STK31: variants seen among roughly 807,000 people sequenced by gnomAD.
STK31 encodes the protein serine/threonine kinase 31.
A neutral mutation model predicts 129.7 loss-of-function variants in STK31; 89 were observed. That is an observed-to-expected ratio of 0.69 (90% CI 0.58 to 0.82). STK31 has a LOEUF of 0.82. STK31 is among the 40% of genes least tolerant of loss of function. STK31 has a pLI of 0.00. For missense variants in STK31, 1,187 were observed against 1,176.4 expected, an observed-to-expected ratio of 1.01 and a Z score of -0.13; for synonymous variants, 448 against 395.3, an observed-to-expected ratio of 1.13 and a Z score of -1.58.
At chr7:23,736,827 C>A in intron 7 of STK31, 77 bp from the exon 8 acceptor site, 1 of 1,229,598 alleles carries the variant, frequency 8.1e-7, no homozygotes, top group Non-Finnish European at 1.1e-6. Flanking sequence ...CATAAAAGGA[C>A]CAAGATAACT....
In STK31 at chr7:23,790,921, A is replaced by C; in HGVS notation, c.2735A>C (p.Tyr912Ser). The C allele has an allele frequency of 6.2e-7, 1 of 1,601,388 alleles. No homozygotes were observed. Among genetic ancestry groups the C allele is most frequent in the Non-Finnish European group, 8.5e-7 (1 of 1,175,146 alleles). ...CCTGCTTCTCCAGGTTCAGACTTAT[A>C]TGCTTATGGCTGCCTCTTATTATGG... is the stretch of plus-strand genomic sequence containing the variant. ...GKPASPGSDL[Y>S]AYGCLLLWLS... The change falls in exon 22 of 24, where the codon TAT (tyrosine) becomes TCT (serine). Residue 912 changes from tyrosine to serine, a missense_variant. Tyr to Ser is a moderately radical substitution (Grantham distance 144). Transcript: ENST00000355870.
At chr7:23,758,223 A>T (rs1789225854) in intron 10 of STK31, among the ~76,000 whole-genome samples, 1 of 152,100 alleles carries the variant, frequency 6.6e-6, no homozygotes, top group Admixed American at 6.6e-5. Context: ...CCAAGAGTTT[A>T]TTCATTTCTT....
At chr7:23,748,606 C>T (rs1788496123) in intron 8 of STK31, among the ~76,000 whole-genome samples, 2 of 152,230 alleles carry the variant, frequency 1.3e-5, no homozygotes, top group African/African-American at 4.8e-5. Flanking sequence ...TCCCTGTCCT[C>T]AGCCTGCTCA....
At chr7:23,810,111 A>G (rs1254883455) in intron 22 of STK31, among the ~76,000 whole-genome samples, 3 of 152,010 alleles carry the variant, frequency 2.0e-5, no homozygotes, top group Non-Finnish European at 4.4e-5. Context: ...TAGGATTGTT[A>G]TGTCCTCTTA....
intron 6 of STK31, among the ~76,000 whole-genome samples, chr7:23,731,246 C>G (rs1787417689): frequency 6.6e-6 from 1 of 151,936 alleles, no homozygotes; most frequent in African/African-American, 2.4e-5. Flanking sequence ...AATTGGCACA[C>G]AATGTTTTCT....
At chr7:23,807,146 T>G (rs1224483065) in intron 22 of STK31, among the ~76,000 whole-genome samples, 2 of 152,154 alleles carry the variant, frequency 1.3e-5, no homozygotes, top group African/African-American at 4.8e-5. Context: ...ATTTTTATTC[T>G]TATTCTTTTT....
intron 4 of STK31, among the ~76,000 whole-genome samples, chr7:23,720,831 G>T (rs918394735): frequency 6.6e-6 from 1 of 152,110 alleles, no homozygotes; most frequent in Non-Finnish European, 1.5e-5. Flanking sequence ...CGGAATATAT[G>T]TACAGCATCC....
chr7:23,727,754 G>C (rs957877787), intron 5 of STK31: 2 of 165,244 alleles, frequency 1.2e-5, no homozygotes, highest in African/African-American at 4.8e-5. Flanking sequence ...TAGAGACGGG[G>C]TTTCACCATG....
chr7:23,735,917 A>G, intron 7 of STK31, 21 bp downstream of exon 7: 1 of 1,528,392 alleles, frequency 6.5e-7, no homozygotes, highest in Non-Finnish European at 8.8e-7. Flanking sequence ...AGTCTTCACT[A>G]ATTTCTAATT....
At chr7:23,827,755 C>T (rs940741091) in intron 23 of STK31, among the ~76,000 whole-genome samples, 6 of 152,098 alleles carry the variant, frequency 3.9e-5, no homozygotes, top group Non-Finnish European at 7.4e-5. Context: ...ATGATGGTGA[C>T]GTACAGATGG....
intron 19 of STK31, 91 bp downstream of exon 19, chr7:23,786,724 C>T: frequency 1.3e-6 from 2 of 1,546,384 alleles, no homozygotes; most frequent in Non-Finnish European, 1.8e-6. Flanking sequence ...GGTTTTAGAG[C>T]AGCAGTTCAT....
At chr7:23,778,300 G>A (rs1424912549) in intron 15 of STK31, among the ~76,000 whole-genome samples, 1 of 152,056 alleles carries the variant, frequency 6.6e-6, no homozygotes, top group Non-Finnish European at 1.5e-5. Context: ...TGGTGAATCT[G>A]ACAATTATGT....
intron 4 of STK31, chr7:23,726,212 T>A (rs1238104333): frequency 6.6e-6 from 1 of 152,034 alleles, no homozygotes; most frequent in Non-Finnish European, 1.5e-5. Context: ...TGGAGACGTT[T>A]TTGCTTGTCA....
chr7:23,730,471 A>C (rs1432774666), intron 6 of STK31, among the ~76,000 whole-genome samples: 1 of 152,126 alleles, frequency 6.6e-6, no homozygotes, highest in African/African-American at 2.4e-5. Flanking sequence ...AAAGTTTGTT[A>C]CTTTCTTCTT....
rs745518067 is a variant in STK31, at chr7:23,786,646, T to C, written c.2400+13T>C. 7 of 1,605,298 alleles carry C rather than the reference T, an allele frequency of 4.4e-6. No homozygotes were observed. Among genetic ancestry groups the C allele is most frequent in the African/African-American group, 1.3e-5 (1 of 74,494 alleles). On this transcript the variant is annotated intron_variant, in intron 19 of 23. Coordinates refer to ENST00000355870, the MANE Select transcript of STK31 (RefSeq NM_031414.5). ...GTTTTTATGTAAGGTAAAGTTCTTA[T>C]GCTAATCTCTTGCAGAAACCATTTT... is the stretch of plus-strand genomic sequence containing the variant.
At chr7:23,757,111 G>T (rs984279555) in intron 10 of STK31, among the ~76,000 whole-genome samples, 2 of 152,144 alleles carry the variant, frequency 1.3e-5, no homozygotes, top group Admixed American at 6.5e-5. Flanking sequence ...CTGTGAATCT[G>T]TCTGGTCCTG....
chr7:23,736,000 G>A (rs1787696977), intron 7 of STK31, 104 bp downstream of exon 7: 14 of 893,838 alleles, frequency 1.6e-5, no homozygotes, highest in Middle Eastern at 2.8e-4. Flanking sequence ...CTGTGTCAGT[G>A]ATTTTAAGGG....
intron 23 of STK31, among the ~76,000 whole-genome samples, chr7:23,815,654 G>C (rs1020090673): frequency 4.6e-5 from 7 of 152,110 alleles, no homozygotes; most frequent in African/African-American, 1.4e-4. Flanking sequence ...GAATAATTTA[G>C]AAATGTGAAC....
At chr7:23,820,171 C>G (rs998467897) in intron 23 of STK31, among the ~76,000 whole-genome samples, 2 of 152,142 alleles carry the variant, frequency 1.3e-5, no homozygotes, top group African/African-American at 2.4e-5. Context: ...TGGAGGCATT[C>G]CATTTCACCA....
Sources: allele counts gnomAD v4.1 joint callset (sites outside exome capture counted in the v4.1 genomes callset), GRCh38; gene constraint gnomAD v4.1.1; transcripts MANE v1.5; gene names NCBI Gene and HGNC (gene_info 2026-07-23, HGNC 2026-07-21).